The following CEP78 variants were observed in gnomAD, a reference collection of about 807,000 sequenced individuals.
CEP78 encodes the protein centrosomal protein 78.
Under a neutral mutation model 81.2 loss-of-function variants are expected in CEP78, and 76 were observed. That is an observed-to-expected ratio of 0.94 (90% CI 0.78 to 1.13). The LOEUF (loss-of-function observed/expected upper bound fraction) is 1.13, where lower values mean the gene tolerates loss of function less well. Ranked by LOEUF, CEP78 falls within the 50% of genes most tolerant of loss-of-function variation. The pLI is 0.00. For synonymous variants in CEP78, 293 were observed against 301.4 expected (o/e 0.97, Z 0.29); for missense variants, 918 against 846.8 (o/e 1.08, Z -1.04).
At chr9:78,250,449 A>G (rs1287405669) in intron 8 of CEP78, 5 of 362,506 alleles carry the variant, frequency 1.4e-5, no homozygotes, top group Non-Finnish European at 2.4e-5. Context: ...ATTAAAATTT[A>G]TATTTGCGGC....
chr9:78,238,695 T>G (rs1342049746), intron 1 of CEP78, among the ~76,000 whole-genome samples: 1 of 152,168 alleles, frequency 6.6e-6, no homozygotes, highest in East Asian at 1.9e-4. Context: ...CAGATTATTC[T>G]CTACATCTCA....
intron 8 of CEP78, chr9:78,249,937 A>T (rs1411225817): frequency 2.7e-5 from 6 of 218,270 alleles, no homozygotes; most frequent in Non-Finnish European, 5.3e-5. Flanking sequence ...AACAATTAAC[A>T]CCAGATAATC....
Position 78,265,923 on chromosome 9 carries a change from A to G in CEP78, c.1845+17A>G. On this transcript the variant is annotated intron_variant, in intron 15 of 16. Coordinates refer to ENST00000643273, the MANE Select transcript of CEP78 (RefSeq NM_001330691.3). ...CTAATGAAGGTACAAGTACTGATAT[A>G]GATAATTTTTCAGAATAAGTAATTC... The G allele has an allele frequency of 8.0e-7, 1 of 1,247,278 alleles. No homozygotes were observed. The highest frequency in any genetic ancestry group is 2.5e-5 in the East Asian group (1 of 39,528). The allele number at this position is 1,247,278 out of a possible 1,614,324, so 77.3% of individuals were successfully genotyped here.
chr9:78,243,770 T>A, intron 5 of CEP78, 134 bp downstream of exon 5: 1 of 598,874 alleles, frequency 1.7e-6, no homozygotes, highest in Non-Finnish European at 2.6e-6. Flanking sequence ...ATTTTGTTTT[T>A]AAGCCTTTAT....
At chr9:78,267,849 C>T (rs1827600389) in intron 16 of CEP78, among the ~76,000 whole-genome samples, 3 of 152,090 alleles carry the variant, frequency 2.0e-5, no homozygotes, top group African/African-American at 4.8e-5. Flanking sequence ...TCCTTTCCTA[C>T]AACCAGACTA....
chr9:78,266,611 C>T lies in CEP78; in HGVS notation c.2015C>T (p.Ser672Leu). ...EGFIARMCSP[S>L]PDATSGTGSQ... ...TTCATTGCTAGAATGTGTTCTCCTT[C>T]ACCAGATGCGACTTCTGGAACTGGA... The change falls in exon 16 of 17, where the codon TCA becomes TTA. Residue 672 changes from serine to leucine, a missense_variant. Coordinates refer to ENST00000643273, the MANE Select transcript of CEP78 (RefSeq NM_001330691.3). The T allele has an allele frequency of 1.2e-6, 2 of 1,613,404 alleles. No individual in the cohort carries two copies. Among genetic ancestry groups the T allele is most frequent in the Non-Finnish European group, 1.7e-6 (2 of 1,179,600 alleles).
chr9:78,236,350 C>G lies in CEP78; in HGVS notation c.-1C>G. 1 of 1,570,418 alleles carries G rather than the reference C, an allele frequency of 6.4e-7. No individual in the cohort carries two copies. The highest frequency in any genetic ancestry group is 8.6e-7 in the Non-Finnish European group (1 of 1,162,816). On this transcript the variant is annotated 5_prime_UTR_variant, in exon 1 of 17. Coordinates refer to ENST00000643273, the MANE Select transcript of CEP78 (RefSeq NM_001330691.3). Reference sequence around the variant, plus strand: ...GCATCCCCCGAGGCCGCCCTCGGGCCATGATCGACTCCGTGAAGCTGCGCC... The same window carrying G: ...GCATCCCCCGAGGCCGCCCTCGGGCGATGATCGACTCCGTGAAGCTGCGCC...
Position 78,236,393 on chromosome 9 carries a change from T to A in CEP78, c.43T>A (p.Phe15Ile), listed in dbSNP as rs1299700798. 1.3e-6 allele frequency: 2 copies of A among 1,593,762 alleles called. No homozygotes were observed. Among genetic ancestry groups the A allele is most frequent in the African/African-American group, 1.3e-5 (1 of 74,582 alleles). Residue 15 changes from phenylalanine to isoleucine, a missense_variant, in exon 1 of 17, where the codon TTC becomes ATC. By Grantham distance (21) the Phe-to-Ile change is conservative. Transcript: ENST00000643273. ...GCTGCGCCGCGACAGCGCGGCGGAC[T>A]TCTTCTCCCACTACGAGTACCTGTG... is the stretch of plus-strand genomic sequence containing the variant. ...VKLRRDSAAD[F>I]FSHYEYLCAL...
intron 16 of CEP78, among the ~76,000 whole-genome samples, chr9:78,269,150 G>C (rs1308990820): frequency 6.6e-6 from 1 of 152,152 alleles, no homozygotes; most frequent in East Asian, 1.9e-4. Context: ...AAGAGAAAGG[G>C]ATCTAAAATA....
At chr9:78,237,041 C>T (rs1825987000) in intron 1 of CEP78, among the ~76,000 whole-genome samples, 2 of 120,578 alleles carry the variant, frequency 1.7e-5, no homozygotes, top group African/African-American at 3.2e-5. Flanking sequence ...AATGCAGTGG[C>T]AAGATCTCGG....
chr9:78,251,594 T>G (rs1305222684), intron 8 of CEP78, among the ~76,000 whole-genome samples: 1 of 152,152 alleles, frequency 6.6e-6, no homozygotes, highest in Non-Finnish European at 1.5e-5. Context: ...GGGTTACATG[T>G]TTTATTTACC....
chr9:78,254,748 C>A, intron 10 of CEP78, 88 bp from the exon 11 acceptor site: 1 of 1,044,872 alleles, frequency 9.6e-7, no homozygotes, highest in Non-Finnish European at 1.4e-6. Flanking sequence ...AATGACTTAA[C>A]ACTTCAGAAA....
At chr9:78,261,702 T>C (rs2118431619) in intron 11 of CEP78, among the ~76,000 whole-genome samples, 1 of 152,312 alleles carries the variant, frequency 6.6e-6, no homozygotes, top group Admixed American at 6.5e-5. Context: ...TCTCCAATTG[T>C]GATAAGTTTT....
intron 7 of CEP78, 132 bp from the exon 8 acceptor site, chr9:78,248,630 T>A (rs1826610929): frequency 1.6e-6 from 1 of 632,640 alleles, no homozygotes; most frequent in Non-Finnish European, 2.8e-6. Flanking sequence ...GTATGATTCT[T>A]TAATTTTGGG....
rs531903880 is a variant in CEP78, at chr9:78,259,961, G to A, written c.1381-2946G>A. 2.6e-5 allele frequency among the ~76,000 whole-genome samples: 4 copies of A among 152,264 alleles called. No homozygotes were observed. The South Asian group carries it at 6.2e-4, about 24-fold the overall frequency. On this transcript the variant is annotated intron_variant, in intron 11 of 16. Coordinates refer to ENST00000643273, the MANE Select transcript of CEP78 (RefSeq NM_001330691.3). ...TAACACACACATAAATCTTATATTG[G>A]CAGGGATTTTCTTTATTCAGCAATT...
intron 11 of CEP78, among the ~76,000 whole-genome samples, chr9:78,259,152 A>G (rs1827166726): frequency 6.6e-6 from 1 of 152,234 alleles, no homozygotes; most frequent in African/African-American, 2.4e-5. Flanking sequence ...AATTGAATGA[A>G]CAAGAGCTAC....
chr9:78,263,505 AAGG>A, intron 12 of CEP78, among the ~76,000 whole-genome samples: 1 of 152,320 alleles, frequency 6.6e-6, no homozygotes, highest in Middle Eastern at 3.4e-3. Context: ...AAGCAAGTTT[AAGG>A]AGGAATTTTT....
intron 5 of CEP78, among the ~76,000 whole-genome samples, chr9:78,244,601 A>G (rs528138606): frequency 6.6e-5 from 10 of 152,302 alleles, no homozygotes; most frequent in African/African-American, 2.4e-4. Flanking sequence ...CAAAAATGAG[A>G]ACTCCCCTGC....
intron 11 of CEP78, among the ~76,000 whole-genome samples, chr9:78,257,942 G>C (rs1217972571): frequency 5.3e-5 from 8 of 152,212 alleles, no homozygotes; most frequent in Admixed American, 5.2e-4. Context: ...AAACTGTATA[G>C]AAGGCGGTGT....
Sources: gnomAD v4.1 joint callset for allele counts (sites outside exome capture counted in the v4.1 genomes callset) on GRCh38, gnomAD v4.1.1 for gene constraint, MANE v1.5 for transcripts, NCBI Gene and HGNC (gene_info 2026-07-23, HGNC 2026-07-21) for gene names.